The following NOTCH3 variants were observed in gnomAD, a reference collection of about 807,000 sequenced individuals.
NOTCH3 encodes the protein notch receptor 3, also known as neurogenic locus notch homolog protein 3.
A neutral mutation model predicts 213.3 loss-of-function variants in NOTCH3; 86 were observed. The observed-to-expected ratio is 0.40, with a 90% CI of 0.34 to 0.48. NOTCH3 has a LOEUF of 0.48. Among genes scored for constraint, NOTCH3 ranks in the 20% least tolerant of loss-of-function variants. The pLI, the probability that NOTCH3 is intolerant of heterozygous loss-of-function variation, is 0.57. For synonymous variants in NOTCH3, 1,354 were observed against 1,355.9 expected (o/e 1.00, Z 0.03); for missense variants, 2,783 against 3,272.6 (o/e 0.85, Z 3.65).
rs1019920355 is a variant in NOTCH3 at position 15,187,303 on chromosome 19, C to T, written c.1642G>A (p.Asp548Asn). Residue 548 changes from aspartate to asparagine, a missense_variant, in exon 11 of 33, where the codon GAC (aspartate) becomes AAC (asparagine). Asp to Asn is a conservative substitution (Grantham distance 23). Around this residue, in one of 6 missense-constraint regions of NOTCH3, gnomAD observed 708 missense variants for 906.6 expected, o/e 0.78. Coordinates refer to ENST00000263388, the MANE Select transcript of NOTCH3 (RefSeq NM_000435.3). ...EGTLCDRNVD[D>N]CSPDPCHHGR... ...TGGTGGCATGGGTCAGGGGAGCAGTCGTCCACGTTGCGATCACACAGCGTG... is the reference window on the plus strand; with the variant it reads ...TGGTGGCATGGGTCAGGGGAGCAGTTGTCCACGTTGCGATCACACAGCGTG... The T allele has an allele frequency of 2.5e-6, 4 of 1,613,940 alleles. No homozygotes were observed. Among genetic ancestry groups the T allele is most frequent in the East Asian group, 4.5e-5 (2 of 44,884 alleles).
chr19:15,184,333 C>T lies in NOTCH3; in HGVS notation c.2528G>A (p.Gly843Asp), dbSNP rs2046864108. The T allele has an allele frequency of 1.2e-6, 2 of 1,613,976 alleles. No individual in the cohort carries two copies. The highest frequency in any genetic ancestry group is 2.2e-5 in the East Asian group (1 of 44,878). ...FSCTCHGGYT[G>D]PSCDQDINDC... Reference sequence around the variant, plus strand: ...ATTGATGTCCTGATCGCAGGAAGGGCCAGTGTACCCTCCATGGCAGGTGCA... The same window carrying T: ...ATTGATGTCCTGATCGCAGGAAGGGTCAGTGTACCCTCCATGGCAGGTGCA... The change falls in exon 16 of 33, where the codon GGC becomes GAC. Residue 843 changes from glycine to aspartate, a missense_variant. By Grantham distance (94) the Gly-to-Asp change is moderately conservative (BLOSUM62 -1). Coordinates refer to ENST00000263388, the MANE Select transcript of NOTCH3 (RefSeq NM_000435.3).
At chr19:15,187,733 T>C in intron 10 of NOTCH3, 148 bp downstream of exon 10, 2 of 714,416 alleles carry the variant, frequency 2.8e-6, no homozygotes, top group South Asian at 1.5e-5. Flanking sequence ...TCAGTCTATA[T>C]GCATTATTGG....
chr19:15,187,389 C>A, intron 10 of NOTCH3, 51 bp from the exon 11 acceptor site: 1 of 1,524,422 alleles, frequency 6.6e-7, no homozygotes, highest in South Asian at 1.1e-5. Flanking sequence ...GGCCTGCCCA[C>A]AAGTGAGGCC....
chr19:15,174,084 C>T lies in NOTCH3; in HGVS notation c.4720G>A (p.Ala1574Thr), dbSNP rs1472849611. Reference protein sequence around the residue: ...GSEPRARRELAPEVIGSVVML... With the variant: ...GSEPRARRELTPEVIGSVVML... ...GTCACTCACCCGATCACCTCGGGGG[C>T]CAGCTCCCGACGGGCCCGGGGTTCG... The change falls in exon 25 of 33, where the codon GCC becomes ACC. Residue 1574 changes from alanine (A) to threonine (T), a missense_variant. Transcript: ENST00000263388. The T allele has an allele frequency of 1.3e-6, 2 of 1,583,638 alleles. No individual in the cohort carries two copies. Among genetic ancestry groups the T allele is most frequent in the Admixed American group, 3.4e-5 (2 of 58,722 alleles).
At chr19:15,178,270 C>T (rs2046809336) in intron 23 of NOTCH3, 180 bp from the exon 24 acceptor site, 2 of 542,848 alleles carry the variant, frequency 3.7e-6, no homozygotes, top group African/African-American at 1.9e-5. Flanking sequence ...CAACCGCTCC[C>T]CTTTCCACAC....
chr19:15,193,826 G>A (rs980729270), intron 2 of NOTCH3, among the ~76,000 whole-genome samples: 2 of 144,708 alleles, frequency 1.4e-5, no homozygotes, highest in African/African-American at 5.1e-5. Flanking sequence ...GCTCATGCCT[G>A]TAATCCCAGC....
chr19:15,172,995 C>T (rs757871571), intron 25 of NOTCH3, among the ~76,000 whole-genome samples: 3 of 118,192 alleles, frequency 2.5e-5, no homozygotes, highest in East Asian at 2.5e-4. Flanking sequence ...CTCCTCCTCC[C>T]CCTCCCCCTC....
chr19:15,189,963 C>G (rs1412501491), intron 6 of NOTCH3, among the ~76,000 whole-genome samples: 1 of 152,154 alleles, frequency 6.6e-6, no homozygotes, highest in Non-Finnish European at 1.5e-5. Context: ...TACCAATCTT[C>G]TTTTCTAAAC....
intron 1 of NOTCH3, among the ~76,000 whole-genome samples, chr19:15,197,861 G>T (rs564299237): frequency 6.6e-6 from 1 of 152,202 alleles, no homozygotes; most frequent in African/African-American, 2.4e-5. Flanking sequence ...GTGGGGGCTC[G>T]GGAAGCTGCC....
rs2145401844 is a variant in NOTCH3 at position 15,170,767 on chromosome 19, G to A, written c.4795C>T (p.His1599Tyr). The change falls in exon 26 of 33, where the codon CAC becomes TAC. Residue 1599 changes from histidine to tyrosine, a missense_variant. Coordinates refer to ENST00000263388, the MANE Select transcript of NOTCH3 (RefSeq NM_000435.3). ...GCGCTCTGGGCATCGGGGAAGCAGT[G>A]ATCATTCTCAGGCGACTGCAGGCAG... ...RLCLQSPEND[H>Y]CFPDAQSAAD... 1 of 1,612,826 alleles carries A rather than the reference G, an allele frequency of 6.2e-7. No individual in the cohort carries two copies. The highest frequency in any genetic ancestry group is 8.5e-7 in the Non-Finnish European group (1 of 1,179,704).
intron 24 of NOTCH3, 152 bp from the exon 25 acceptor site, chr19:15,174,552 T>A (rs2046771370): frequency 3.5e-6 from 2 of 563,810 alleles, no homozygotes; most frequent in Admixed American, 7.2e-5. Context: ...TTTCTGCAAA[T>A]CTTGCCATTC....
intron 24 of NOTCH3, 119 bp from the exon 25 acceptor site, chr19:15,174,519 G>T: frequency 1.4e-6 from 1 of 738,366 alleles, no homozygotes; most frequent in Non-Finnish European, 2.1e-6. Flanking sequence ...CAGGGGACTG[G>T]AATATACGGA....
At chr19:15,178,191 A>G (rs1288172268) in intron 23 of NOTCH3, 101 bp from the exon 24 acceptor site, 10 of 705,290 alleles carry the variant, frequency 1.4e-5, no homozygotes, top group Non-Finnish European at 2.3e-5. Flanking sequence ...AGTCAAGGGG[A>G]GAGAGGGGGA....
intron 1 of NOTCH3, among the ~76,000 whole-genome samples, chr19:15,198,801 C>T (rs58736828): frequency 0.013 from 2,015 of 152,176 alleles, 50 homozygotes; most frequent in African/African-American, 0.045. Context: ...GTCCCAGCTA[C>T]TCGGGAGGCT....
chr19:15,184,080 A>G (rs1175728062), intron 16 of NOTCH3, among the ~76,000 whole-genome samples: 2 of 148,076 alleles, frequency 1.4e-5, no homozygotes, highest in African/African-American at 5.0e-5. Flanking sequence ...CAGCACACAG[A>G]CTCCAAGGTT....
chr19:15,186,762 G>C, intron 12 of NOTCH3, 116 bp downstream of exon 12: 2 of 854,658 alleles, frequency 2.3e-6, no homozygotes, highest in South Asian at 1.4e-5. Flanking sequence ...TCAGGGCAAA[G>C]CACGGACAAC....
At position 15,200,769 on chromosome 19, in the gene NOTCH3, C is replaced by T; in HGVS notation, c.118+19G>A. 7.8e-7 allele frequency: 1 copy of T among 1,287,332 alleles called. No homozygotes were observed. The highest frequency in any genetic ancestry group is 9.9e-7 in the Non-Finnish European group (1 of 1,012,618). 79.7% of individuals were successfully genotyped at this position (1,287,332 alleles called of 1,614,324 possible). A position where few individuals can be genotyped will look rare whatever the true frequency, so the allele number is the denominator to read the frequency against. ...CCCTCTGCCGCCCTCGTCCCATCCG[C>T]CAGGTCCCGGCCCCTCACCTGCAGC... On this transcript the variant is annotated intron_variant, in intron 1 of 32. Coordinates refer to ENST00000263388, the MANE Select transcript of NOTCH3 (RefSeq NM_000435.3).
chr19:15,186,379 ATGTGTGTGTGTGTGTGTGTGTG>A (rs36233245), intron 12 of NOTCH3, among the ~76,000 whole-genome samples: 5 of 138,584 alleles, frequency 3.6e-5, no homozygotes, highest in Non-Finnish European at 6.3e-5. Context: ...TTGTTTTTGT[ATGTGTGTGTGTGTGTGTGTGTG>A]TGTGTGTGTG....
intron 25 of NOTCH3, among the ~76,000 whole-genome samples, chr19:15,173,045 C>CCTCCTCCTCCTCCT (rs375420994): frequency 5.4e-4 from 14 of 25,728 alleles, no homozygotes; most frequent in South Asian, 2.2e-3. Flanking sequence ...CCCTCCCCCT[C>CCTCCTCCTCCTCCT]CCTCCTCCCT....
Sources: allele counts gnomAD v4.1 joint callset (sites outside exome capture counted in the v4.1 genomes callset), GRCh38; gene constraint gnomAD v4.1.1; regional missense constraint gnomAD v4.1.1; transcripts MANE v1.5; gene names NCBI Gene and HGNC (gene_info 2026-07-23, HGNC 2026-07-21).